Variants in DAB1 observed in about 807,000 individuals in gnomAD.
The protein encoded by DAB1 is DAB adaptor protein 1.
DAB1 carries 15 observed loss-of-function variants against 64.6 expected under a neutral mutation model. That is an observed-to-expected ratio of 0.23 (90% confidence interval 0.16 to 0.36). DAB1 has a LOEUF of 0.36. Ranked by LOEUF, DAB1 falls within the 10% of genes least tolerant of loss-of-function variation. DAB1 has a pLI of 1.00. For missense variants in DAB1, 596 were observed against 706.7 expected (o/e 0.84, Z 1.78); for synonymous variants, 235 against 251.9 (o/e 0.93, Z 0.64).
At chr1:57,147,090 G>A (rs1659217980) in intron 2 of DAB1, among the ~76,000 whole-genome samples, 1 of 151,272 alleles carries the variant, frequency 6.6e-6, no homozygotes, top group African/African-American at 2.4e-5. Context: ...GAGCACAGTG[G>A]CGCGATCACA....
At chr1:57,766,281 A>C (rs12731212) in intron 6 of DAB1, among the ~76,000 whole-genome samples, 44 of 142,702 alleles carry the variant, frequency 3.1e-4, no homozygotes, top group African/African-American at 9.8e-4. Context: ...AAAAAAAAAA[A>C]CCCAAAAAAC....
At chr1:57,622,899 C>A (rs1468104693) in intron 7 of DAB1, among the ~76,000 whole-genome samples, 1 of 152,130 alleles carries the variant, frequency 6.6e-6, no homozygotes, top group Non-Finnish European at 1.5e-5. Context: ...CATGAGGATC[C>A]TACAAGGTCC....
At chr1:58,049,176 G>A (rs187030431) in intron 5 of DAB1, 157 of 773,466 alleles carry the variant, frequency 2.0e-4, no homozygotes, top group East Asian at 9.5e-4. Flanking sequence ...GTCCGTGAGC[G>A]TTCCCTATTG....
chr1:57,166,475 G>A lies in DAB1; in HGVS notation c.68-21046C>T, dbSNP rs1661220508. On this transcript the variant is annotated intron_variant, in intron 2 of 14. Coordinates refer to ENST00000371236, the MANE Select transcript of DAB1 (RefSeq NM_001365792.1). ...TTTGAAAACTGAAACAAGTAATCAA[G>A]GTAGAAAAACAAGTTCAGAACAATA... 2.6e-5 allele frequency among the ~76,000 whole-genome samples: 4 copies of A among 152,120 alleles called. No individual in the cohort carries two copies. In the South Asian group the frequency reaches 8.3e-4, roughly 32 times the overall value.
intron 6 of DAB1, among the ~76,000 whole-genome samples, chr1:57,660,975 T>A (rs1191093092): frequency 6.6e-6 from 1 of 152,184 alleles, no homozygotes; most frequent in African/African-American, 2.4e-5. Context: ...GAAAGTGAAT[T>A]TGCAATGATG....
At chr1:57,903,217 C>A (rs1024508144) in intron 5 of DAB1, among the ~76,000 whole-genome samples, 6 of 152,170 alleles carry the variant, frequency 3.9e-5, no homozygotes, top group African/African-American at 1.2e-4. Flanking sequence ...TGGGTGGGGA[C>A]ACAGCCAAAC....
intron 5 of DAB1, among the ~76,000 whole-genome samples, chr1:57,945,914 T>C (rs928092535): frequency 3.3e-5 from 5 of 152,184 alleles, no homozygotes; most frequent in Non-Finnish European, 7.3e-5. Flanking sequence ...AAAAGACAAA[T>C]GTTAAATCAG....
intron 2 of DAB1, among the ~76,000 whole-genome samples, chr1:57,207,870 A>G (rs898740880): frequency 6.6e-5 from 10 of 152,204 alleles, no homozygotes; most frequent in Non-Finnish European, 1.5e-5. Context: ...AGTTTAATAA[A>G]GGCTCAGTTC....
At chr1:57,186,298 A>G (rs961713249) in intron 2 of DAB1, among the ~76,000 whole-genome samples, 45 of 152,158 alleles carry the variant, frequency 3.0e-4, no homozygotes, top group African/African-American at 1.1e-3. Context: ...CCAACTCACA[A>G]AAACCCACAT....
intron 6 of DAB1, among the ~76,000 whole-genome samples, chr1:57,801,644 G>A (rs1651127285): frequency 6.6e-6 from 1 of 152,030 alleles, no homozygotes; most frequent in Non-Finnish European, 1.5e-5. Flanking sequence ...GGGGAGCCCA[G>A]GGAATTTTTT....
chr1:57,711,665 G>A (rs1413206615), intron 6 of DAB1, among the ~76,000 whole-genome samples: 1 of 152,186 alleles, frequency 6.6e-6, no homozygotes, highest in East Asian at 1.9e-4. Flanking sequence ...GCAGGAAAGA[G>A]TAGATTAAAA....
downstream of DAB1, among the ~76,000 whole-genome samples, chr1:57,822,034 C>A (rs1179025768): frequency 2.0e-5 from 3 of 152,198 alleles, no homozygotes; most frequent in African/African-American, 7.2e-5. Flanking sequence ...CACTAGGCTG[C>A]AGGCTTCCTT....
intron 7 of DAB1, among the ~76,000 whole-genome samples, chr1:57,570,235 C>A (rs1157279061): frequency 6.6e-6 from 1 of 152,104 alleles, no homozygotes; most frequent in Non-Finnish European, 1.5e-5. Flanking sequence ...CTTAGCTTCC[C>A]AGCCTACAAT....
intron 2 of DAB1, among the ~76,000 whole-genome samples, chr1:57,259,794 T>C (rs1451103159): frequency 6.6e-6 from 1 of 152,202 alleles, no homozygotes; most frequent in Admixed American, 6.5e-5. Context: ...AACCCTGACA[T>C]GGGTACTGAA....
At chr1:57,320,019 A>C (rs2100761234) in intron 1 of DAB1, among the ~76,000 whole-genome samples, 1 of 152,308 alleles carries the variant, frequency 6.6e-6, no homozygotes, top group Middle Eastern at 3.4e-3. Flanking sequence ...GAACTATTGC[A>C]CTGATCTTGG....
intron 5 of DAB1, among the ~76,000 whole-genome samples, chr1:57,906,951 G>C (rs985801629): frequency 7.0e-6 from 1 of 143,066 alleles, no homozygotes; most frequent in Non-Finnish European, 1.5e-5. Flanking sequence ...TAGATAGATA[G>C]ATAGATAGAT....
intron 9 of DAB1, among the ~76,000 whole-genome samples, chr1:57,053,112 C>T (rs528475694): frequency 6.6e-6 from 1 of 152,268 alleles, no homozygotes; most frequent in Admixed American, 6.5e-5. Context: ...GGCCGCTATT[C>T]CCATTTTGCA....
rs375802725 is a variant in DAB1, at chr1:58,155,571, G to C, written n.310-4983C>G. Among the ~76,000 whole-genome samples the C allele has an allele frequency of 2.6e-4, 39 of 152,350 alleles. No homozygotes were observed. The East Asian group carries it at 2.7e-3, about 11-fold the overall frequency. ...ATTGGCAGAGCCTAAGAGGGAGCCA[G>C]TGGACAAAACAGAAATAAAAATTTC... On this transcript the variant is annotated intron_variant and non_coding_transcript_variant, in intron 4 of 20. Transcript: ENST00000485760.
At chr1:57,483,594 T>A (rs1360209970) in intron 7 of DAB1, among the ~76,000 whole-genome samples, 1 of 152,126 alleles carries the variant, frequency 6.6e-6, no homozygotes, top group East Asian at 1.9e-4. Context: ...TAATTCAACT[T>A]TTTTTTGTTG....
Sources: allele counts gnomAD v4.1 joint callset (sites outside exome capture counted in the v4.1 genomes callset), GRCh38; gene constraint gnomAD v4.1.1; transcripts MANE v1.5; gene names NCBI Gene and HGNC (gene_info 2026-07-23, HGNC 2026-07-21).